Variants in TRPM3 observed in about 807,000 individuals in gnomAD.
TRPM3 encodes transient receptor potential cation channel subfamily M member 3.
In TRPM3, 77 loss-of-function variants were observed where a neutral mutation model predicts 181.2. The ratio of observed to expected loss-of-function variants is 0.42; its 90% CI spans 0.35 to 0.51. TRPM3 has a LOEUF of 0.51. Ranked by LOEUF, TRPM3 falls within the 20% of genes least tolerant of loss-of-function variation. TRPM3 has a pLI of 0.01. For synonymous variants in TRPM3, 745 were observed against 796.4 expected (o/e 0.94, Z 1.09); for missense variants, 1,759 against 2,196.7 (o/e 0.80, Z 3.98).
intron 1 of TRPM3, among the ~76,000 whole-genome samples, chr9:71,386,540 G>A (rs1223967004): frequency 6.6e-6 from 1 of 152,032 alleles, no homozygotes; most frequent in Non-Finnish European, 1.5e-5. Context: ...TAGAAATCTT[G>A]GCTCTGAACT....
intron 1 of TRPM3, among the ~76,000 whole-genome samples, chr9:71,129,056 C>T (rs375240302): frequency 6.6e-6 from 1 of 152,180 alleles, no homozygotes; most frequent in African/African-American, 2.4e-5. Context: ...AGCAGTAACT[C>T]TGCTTGGTAG....
At chr9:70,997,926 C>T (rs943556632) in intron 1 of TRPM3, among the ~76,000 whole-genome samples, 3 of 151,882 alleles carry the variant, frequency 2.0e-5, no homozygotes, top group Admixed American at 6.6e-5. Flanking sequence ...TACATAGCAT[C>T]CAATAAGATC....
chr9:71,142,980 T>TA (rs34661280), intron 1 of TRPM3, among the ~76,000 whole-genome samples: 4,037 of 147,020 alleles, frequency 0.027, 154 homozygotes, highest in African/African-American at 0.091. Context: ...AAGAAAATGT[T>TA]AAAAAAAAAA....
intron 2 of TRPM3, among the ~76,000 whole-genome samples, chr9:70,863,447 A>G (rs2095569897): frequency 6.6e-6 from 1 of 152,130 alleles, no homozygotes; most frequent in Admixed American, 6.6e-5. Flanking sequence ...CTTCTCACTC[A>G]GCCCATCTAT....
intron 1 of TRPM3, among the ~76,000 whole-genome samples, chr9:70,916,830 G>A (rs370029634): frequency 6.6e-6 from 1 of 152,166 alleles, no homozygotes; most frequent in Non-Finnish European, 1.5e-5. Flanking sequence ...TAACTTCACA[G>A]TATGGTGATA....
At chr9:71,004,340 T>C (rs1038108136) in intron 1 of TRPM3, among the ~76,000 whole-genome samples, 1 of 152,250 alleles carries the variant, frequency 6.6e-6, no homozygotes, top group African/African-American at 2.4e-5. Flanking sequence ...CTTAAGTCTT[T>C]CTCAGACTGG....
At chr9:70,988,323 G>A (rs554702947) in intron 1 of TRPM3, among the ~76,000 whole-genome samples, 2 of 152,226 alleles carry the variant, frequency 1.3e-5, no homozygotes, top group South Asian at 2.1e-4. Flanking sequence ...TTGAAATCTT[G>A]CCTGGTTGTT....
At chr9:71,312,130 C>G (rs1309841005) in intron 1 of TRPM3, among the ~76,000 whole-genome samples, 1 of 152,030 alleles carries the variant, frequency 6.6e-6, no homozygotes, top group African/African-American at 2.4e-5. Flanking sequence ...AATGAGAAGA[C>G]AAGACACAGA....
chr9:70,937,820 C>T (rs1328123851), intron 1 of TRPM3, among the ~76,000 whole-genome samples: 1 of 144,314 alleles, frequency 6.9e-6, no homozygotes, highest in African/African-American at 2.6e-5. Flanking sequence ...CCTGGAGGTG[C>T]TGCAGAAGTC....
chr9:70,694,762 A>G (rs1465055937), intron 8 of TRPM3, among the ~76,000 whole-genome samples: 2 of 152,202 alleles, frequency 1.3e-5, no homozygotes, highest in East Asian at 3.9e-4. Context: ...TTACAGGCGT[A>G]AGCCACCATG....
At chr9:70,781,052 G>A (rs866878493) in intron 7 of TRPM3, among the ~76,000 whole-genome samples, 13 of 151,960 alleles carry the variant, frequency 8.6e-5, no homozygotes, top group South Asian at 2.1e-4. Context: ...TTGGCTGAGC[G>A]TGGTGGCTCA....
chr9:70,991,844 A>G (rs2097489577), intron 1 of TRPM3, among the ~76,000 whole-genome samples: 1 of 152,056 alleles, frequency 6.6e-6, no homozygotes, highest in Admixed American at 6.6e-5. Flanking sequence ...ATCTGCTTCA[A>G]ACTGTTTCAA....
At chr9:71,153,597 C>G (rs1336839718) in intron 1 of TRPM3, among the ~76,000 whole-genome samples, 1 of 152,000 alleles carries the variant, frequency 6.6e-6, no homozygotes, top group East Asian at 1.9e-4. Context: ...TTTTGTTTTT[C>G]TAAATGTCTA....
intron 3 of TRPM3, among the ~76,000 whole-genome samples, chr9:70,854,076 C>T (rs911348092): frequency 7.9e-5 from 12 of 152,122 alleles, no homozygotes; most frequent in African/African-American, 2.9e-4. Flanking sequence ...TGGACGTGCC[C>T]AGAGCAATTA....
At chr9:71,307,058 T>A (rs2087416377) in intron 1 of TRPM3, among the ~76,000 whole-genome samples, 1 of 150,016 alleles carries the variant, frequency 6.7e-6, no homozygotes, top group Non-Finnish European at 1.5e-5. Flanking sequence ...ATTTTATGCA[T>A]TTTTTAAGAC....
intron 1 of TRPM3, among the ~76,000 whole-genome samples, chr9:70,948,523 A>G (rs1347708947): frequency 6.6e-6 from 1 of 152,222 alleles, no homozygotes; most frequent in Non-Finnish European, 1.5e-5. Flanking sequence ...CTTAAGGTGT[A>G]TCTATAAAGA....
intron 1 of TRPM3, among the ~76,000 whole-genome samples, chr9:71,187,889 TGATAGATAGATA>T (rs5898183): frequency 0.062 from 9,062 of 146,086 alleles, 288 homozygotes; most frequent in South Asian, 0.076. Context: ...GGCAGACAGA[TGATAGATAGATA>T]GATAGATAGA....
chr9:70,640,046 A>T (rs1328539800), intron 10 of TRPM3, among the ~76,000 whole-genome samples: 1 of 152,150 alleles, frequency 6.6e-6, no homozygotes, highest in Non-Finnish European at 1.5e-5. Flanking sequence ...TGAGGGAAGC[A>T]AACCAAGAAC....
chr9:71,122,236 A>G (rs2073729754), upstream of TRPM3, among the ~76,000 whole-genome samples: 1 of 152,136 alleles, frequency 6.6e-6, no homozygotes, highest in Non-Finnish European at 1.5e-5. Context: ...TGGGGTGTCC[A>G]CCCCCATCAT....
Sources: gnomAD v4.1 joint callset for allele counts (sites outside exome capture counted in the v4.1 genomes callset) on GRCh38, gnomAD v4.1.1 for gene constraint, MANE v1.5 for transcripts, NCBI Gene and HGNC (gene_info 2026-07-23, HGNC 2026-07-21) for gene names.